MACROD2: variants seen among roughly 807,000 people sequenced by gnomAD.
The protein encoded by MACROD2 is ADP-ribose glycohydrolase MACROD2.
In MACROD2, 36 loss-of-function variants were observed where a neutral mutation model predicts 70.4. The observed-to-expected ratio is 0.51, with a 90% CI of 0.39 to 0.68. The LOEUF is 0.68. Ranked by LOEUF, MACROD2 falls within the 30% of genes least tolerant of loss-of-function variation. The pLI, the probability that MACROD2 is intolerant of heterozygous loss-of-function variation, is 0.00. For missense variants in MACROD2, 496 were observed against 538.4 expected (o/e 0.92, Z 0.78); for synonymous variants, 172 against 178.8 (o/e 0.96, Z 0.30).
intron 4 of MACROD2, among the ~76,000 whole-genome samples, chr20:14,502,356 T>C (rs983863156): frequency 2.0e-5 from 3 of 152,330 alleles, no homozygotes; most frequent in South Asian, 2.1e-4. Context: ...GGCCAGTTCT[T>C]GATGGCAACA....
chr20:14,593,861 T>C (rs73899209), intron 4 of MACROD2, among the ~76,000 whole-genome samples: 4,519 of 152,254 alleles, frequency 0.03, 151 homozygotes, highest in African/African-American at 0.075. Context: ...TAACTAGACA[T>C]TAAGAATTTA....
At position 14,303,249 on chromosome 20, in the gene MACROD2, A is replaced by G. The variant is rs142561898; in HGVS notation, c.272-190230A>G. Among the ~76,000 whole-genome samples, 195 of 152,278 alleles carry G rather than the reference A, an allele frequency of 1.3e-3. 2 individuals carry two copies. In the Middle Eastern group the frequency reaches 0.024, roughly 19 times the overall value. On this transcript the variant is annotated intron_variant, in intron 3 of 17. Coordinates refer to ENST00000684519, the MANE Select transcript of MACROD2 (RefSeq NM_001351661.2). ...GACCACCAGCCATTTCTTATAGGAAATGCACAAGGCCTCAGGCAGCAAGCA... is the reference window on the plus strand; with the variant it reads ...GACCACCAGCCATTTCTTATAGGAAGTGCACAAGGCCTCAGGCAGCAAGCA...
chr20:14,490,705 A>G lies in MACROD2; in HGVS notation c.272-2774A>G, dbSNP rs549542019. Among the ~76,000 whole-genome samples the G allele has an allele frequency of 7.9e-5, 12 of 152,314 alleles. No individual in the cohort carries two copies. In the East Asian group the frequency reaches 2.3e-3, roughly 29 times the overall value. On this transcript the variant is annotated intron_variant, in intron 3 of 17. Coordinates refer to ENST00000684519, the MANE Select transcript of MACROD2 (RefSeq NM_001351661.2). ...TGAAACTCAAGGATTAATAGGAAGC[A>G]TGTCCAAAATTCCCTCTAGGAAGAA...
chr20:15,843,135 G>C (rs950966587), intron 8 of MACROD2, among the ~76,000 whole-genome samples: 1 of 152,116 alleles, frequency 6.6e-6, no homozygotes, highest in African/African-American at 2.4e-5. Context: ...CTTAAATGAG[G>C]TAATCAACAT....
chr20:15,227,088 C>T (rs2076913325), intron 5 of MACROD2, among the ~76,000 whole-genome samples: 5 of 151,986 alleles, frequency 3.3e-5, no homozygotes, highest in South Asian at 2.1e-4. Context: ...TAATAACATT[C>T]GATCTTGGAT....
At chr20:14,756,605 G>T (rs868363799) in intron 5 of MACROD2, among the ~76,000 whole-genome samples, 6 of 152,086 alleles carry the variant, frequency 3.9e-5, no homozygotes, top group African/African-American at 1.5e-4. Flanking sequence ...GTTAGTGACT[G>T]ACCTGTTTTC....
intron 5 of MACROD2, among the ~76,000 whole-genome samples, chr20:14,693,251 C>G (rs773575784): frequency 6.6e-6 from 1 of 152,158 alleles, no homozygotes; most frequent in Non-Finnish European, 1.5e-5. Flanking sequence ...AAGAGAGCCA[C>G]TGTTGTACAG....
intron 8 of MACROD2, among the ~76,000 whole-genome samples, chr20:15,743,520 TCATCCTAACCTACCTAC>T (rs2051135920): frequency 6.6e-6 from 1 of 152,184 alleles, no homozygotes; most frequent in Non-Finnish European, 1.5e-5. Flanking sequence ...CCACTTGACT[TCATCCTAACCTACCTAC>T]CATCCTAACC....
intron 5 of MACROD2, among the ~76,000 whole-genome samples, chr20:15,099,470 C>T (rs1321489803): frequency 7.2e-5 from 11 of 152,180 alleles, no homozygotes; most frequent in Non-Finnish European, 1.2e-4. Context: ...GTCAGGAAGA[C>T]AGTCCTTGCC....
intron 4 of MACROD2, among the ~76,000 whole-genome samples, chr20:14,588,826 A>G (rs1403164750): frequency 6.6e-6 from 1 of 152,216 alleles, no homozygotes; most frequent in East Asian, 1.9e-4. Context: ...GCATTTTATA[A>G]AAATATTCAT....
rs551103276 is a variant in MACROD2, at chr20:15,724,437, A to C, written c.646-138308A>C. 2.6e-5 allele frequency among the ~76,000 whole-genome samples: 4 copies of C among 151,666 alleles called. No individual in the cohort carries two copies. In the South Asian group the frequency reaches 8.4e-4, roughly 32 times the overall value. ...TTTATGTCTTTGATCCATTTGGAGTAAATTTTTGGGGAAGGTGTAAGGTCT... is the reference window on the plus strand; with the variant it reads ...TTTATGTCTTTGATCCATTTGGAGTCAATTTTTGGGGAAGGTGTAAGGTCT... On this transcript the variant is annotated intron_variant, in intron 8 of 17. Coordinates refer to ENST00000684519, the MANE Select transcript of MACROD2 (RefSeq NM_001351661.2).
intron 3 of MACROD2, among the ~76,000 whole-genome samples, chr20:14,216,674 A>G (rs1264535032): frequency 5.3e-5 from 8 of 152,008 alleles, no homozygotes; most frequent in African/African-American, 1.9e-4. Flanking sequence ...GTCGTCTATG[A>G]TTTCTTTCAG....
intron 5 of MACROD2, among the ~76,000 whole-genome samples, chr20:14,773,818 A>G (rs1420458375): frequency 6.6e-6 from 1 of 152,060 alleles, no homozygotes; most frequent in African/African-American, 2.4e-5. Context: ...AAAGAACAGA[A>G]AATCATTCTC....
At chr20:14,238,115 G>C (rs1393843788) in intron 3 of MACROD2, among the ~76,000 whole-genome samples, 1 of 152,106 alleles carries the variant, frequency 6.6e-6, no homozygotes, top group Non-Finnish European at 1.5e-5. Flanking sequence ...CTGAGGAATT[G>C]CCACACTGAC....
rs2046666103 is a variant in MACROD2 at position 15,453,105 on chromosome 20, T to A, written c.571+21670T>A. Among the ~76,000 whole-genome samples, 3 of 152,126 alleles carry A rather than the reference T, an allele frequency of 2.0e-5. No homozygotes were observed. The South Asian group carries it at 6.2e-4, about 32-fold the overall frequency. On this transcript the variant is annotated intron_variant, in intron 7 of 17. Transcript: ENST00000684519. ...TGAACACAGCATCAGGACCTGCTGT[T>A]TAGTCTTTATTCAGAGGCACATAAT...
At chr20:15,917,033 G>T (rs2065328956) in intron 10 of MACROD2, among the ~76,000 whole-genome samples, 1 of 152,096 alleles carries the variant, frequency 6.6e-6, no homozygotes. Context: ...TTCTTAGCTG[G>T]CAGGCTGTAC....
chr20:15,306,378 C>T (rs1047893133), intron 6 of MACROD2, among the ~76,000 whole-genome samples: 2 of 152,136 alleles, frequency 1.3e-5, no homozygotes, highest in Admixed American at 6.6e-5. Context: ...TATTATGTGC[C>T]ATGCGCATGC....
chr20:14,787,632 A>G (rs1202351999), intron 5 of MACROD2, among the ~76,000 whole-genome samples: 1 of 152,132 alleles, frequency 6.6e-6, no homozygotes, highest in Non-Finnish European at 1.5e-5. Context: ...GAGTAAGTAC[A>G]GTAGACATAA....
intron 8 of MACROD2, among the ~76,000 whole-genome samples, chr20:15,711,365 G>C (rs1680498434): frequency 6.6e-6 from 1 of 152,192 alleles, no homozygotes; most frequent in Admixed American, 6.5e-5. Context: ...CTTTGTGCAG[G>C]TGTAAGTCTC....
Sources: allele counts gnomAD v4.1 joint callset (sites outside exome capture counted in the v4.1 genomes callset), GRCh38; gene constraint gnomAD v4.1.1; transcripts MANE v1.5; gene names NCBI Gene and HGNC (gene_info 2026-07-23, HGNC 2026-07-21).